The following SESN3 variants were observed in gnomAD, a reference collection of about 807,000 sequenced individuals.
The protein encoded by SESN3 is sestrin-3.
Under a neutral mutation model 55.3 loss-of-function variants are expected in SESN3, and 21 were observed. That is an observed-to-expected ratio of 0.38 (90% CI 0.27 to 0.55). The LOEUF (loss-of-function observed/expected upper bound fraction) is 0.55. Among genes scored for constraint, SESN3 ranks in the 20% least tolerant of loss-of-function variants. SESN3 has a pLI of 0.76. For synonymous variants in SESN3, 181 were observed against 203.1 expected (o/e 0.89, Z 0.93); for missense variants, 408 against 604.3 (o/e 0.68, Z 3.41).
chr11:95,167,550 T>C lies in SESN3; in HGVS notation c.*5705A>G, dbSNP rs979425597. 2.0e-5 allele frequency: 3 copies of C among 150,368 alleles called. No homozygotes were observed. The South Asian group carries it at 6.4e-4, about 32-fold the overall frequency. The allele number at this position is 150,368 out of a possible 1,614,324, so 9.3% of individuals were successfully genotyped here. On this transcript the variant is annotated 3_prime_UTR_variant, in exon 10 of 10. Coordinates refer to ENST00000536441, the MANE Select transcript of SESN3 (RefSeq NM_144665.4). ...GGTTAAAGCTAAAATGAACACTTCATGGCATATAATTTAATACAAACCGCC... is the reference window on the plus strand; with the variant it reads ...GGTTAAAGCTAAAATGAACACTTCACGGCATATAATTTAATACAAACCGCC...
chr11:95,217,161 G>A (rs1860774765), intron 1 of SESN3, among the ~76,000 whole-genome samples: 1 of 151,660 alleles, frequency 6.6e-6, no homozygotes, highest in African/African-American at 2.4e-5. Flanking sequence ...TACATCATGT[G>A]AATTTGTTTT....
At chr11:95,212,898 C>T (rs1186574598) in intron 1 of SESN3, among the ~76,000 whole-genome samples, 1 of 152,000 alleles carries the variant, frequency 6.6e-6, no homozygotes, top group Non-Finnish European at 1.5e-5. Context: ...TTTAATTTGC[C>T]ATCTCATTTG....
intron 1 of SESN3, among the ~76,000 whole-genome samples, chr11:95,226,267 T>C (rs569670150): frequency 6.6e-6 from 1 of 152,230 alleles, no homozygotes; most frequent in Admixed American, 6.5e-5. Flanking sequence ...CATCTATCTC[T>C]CTCCAACTAT....
At position 95,172,126 on chromosome 11, in the gene SESN3, G is replaced by A. The variant is rs552342859; in HGVS notation, c.*1129C>T. 2 of 152,228 alleles carry A rather than the reference G, an allele frequency of 1.3e-5. No homozygotes were observed. The highest frequency in any genetic ancestry group is 4.8e-5 in the African/African-American group (2 of 41,546). The allele number at this position is 152,228 out of a possible 1,614,324, so 9.4% of individuals were successfully genotyped here. A position where few individuals can be genotyped will look rare whatever the true frequency, so the allele number is the denominator to read the frequency against. On this transcript the variant is annotated 3_prime_UTR_variant, in exon 10 of 10. Coordinates refer to ENST00000536441, the MANE Select transcript of SESN3 (RefSeq NM_144665.4). ...CACTTTTGCAGTGATATGACAGGGG[G>A]AAAGTTTAGTTGAGTATTTTTTGAA...
chr11:95,183,855 T>C (rs1860111050), intron 6 of SESN3, among the ~76,000 whole-genome samples: 1 of 152,116 alleles, frequency 6.6e-6, no homozygotes, highest in South Asian at 2.1e-4. Flanking sequence ...AAAACTGTTT[T>C]CAAGACTACA....
chr11:95,174,215 C>T (rs532966360), intron 9 of SESN3, among the ~76,000 whole-genome samples: 2 of 152,178 alleles, frequency 1.3e-5, no homozygotes, highest in East Asian at 3.9e-4. Flanking sequence ...AGTTTATTAG[C>T]GAATGTTTCC....
chr11:95,193,851 T>C (rs1860311687), intron 1 of SESN3, among the ~76,000 whole-genome samples: 1 of 152,152 alleles, frequency 6.6e-6, no homozygotes. Context: ...TGTTTTATAG[T>C]AGTATACTGT....
At position 95,230,921 on chromosome 11, in the gene SESN3, C is replaced by G; in HGVS notation, c.-61G>C. The stretch of plus-strand genomic sequence containing the variant: ...GGCCGGGTCCGGGCTGTCACTGCGG[C>G]CACTGCAGGGCCGGTCCGTCCCCCC... On this transcript the variant is annotated 5_prime_UTR_variant, in exon 1 of 10. Coordinates refer to ENST00000536441, the MANE Select transcript of SESN3 (RefSeq NM_144665.4). This position sits in a 1 kb window ranked among gnomAD's most constrained non-coding sequence, Gnocchi z 4.6. The G allele has an allele frequency of 8.4e-7, 1 of 1,190,014 alleles. No individual in the cohort carries two copies. Among genetic ancestry groups the G allele is most frequent in the Non-Finnish European group, 1.1e-6 (1 of 878,968 alleles). 73.7% of individuals were successfully genotyped at this position (1,190,014 alleles called of 1,614,324 possible). A position where few individuals can be genotyped will look rare whatever the true frequency, so the allele number is the denominator to read the frequency against.
upstream of SESN3, chr11:95,231,240 C>G (rs2134279420): frequency 5.0e-6 from 2 of 402,258 alleles, no homozygotes; most frequent in East Asian, 7.3e-5. Flanking sequence ...TCACCACCTC[C>G]ACGCTCCGGT....
intron 1 of SESN3, among the ~76,000 whole-genome samples, chr11:95,218,822 T>G (rs2134264286): frequency 6.6e-6 from 1 of 152,254 alleles, no homozygotes; most frequent in East Asian, 1.9e-4. Context: ...GCTAATTTTT[T>G]GCATTTTGTT....
At chr11:95,184,900 T>C (rs2134228109) in intron 5 of SESN3, among the ~76,000 whole-genome samples, 1 of 152,176 alleles carries the variant, frequency 6.6e-6, no homozygotes, top group South Asian at 2.1e-4. Context: ...GGCAGCACAA[T>C]TGTTTTACTT....
intron 1 of SESN3, among the ~76,000 whole-genome samples, chr11:95,226,316 T>C (rs889400437): frequency 6.6e-6 from 1 of 152,228 alleles, no homozygotes; most frequent in Non-Finnish European, 1.5e-5. Context: ...ATCAACATTT[T>C]ACAGAGAAAA....
chr11:95,179,462 G>C (rs1215373314), intron 6 of SESN3, among the ~76,000 whole-genome samples: 1 of 152,154 alleles, frequency 6.6e-6, no homozygotes, highest in Non-Finnish European at 1.5e-5. Context: ...CTCTCCAGGG[G>C]ATGAAGTGGG....
At chr11:95,178,301 C>A (rs1472218411) in intron 7 of SESN3, among the ~76,000 whole-genome samples, 2 of 152,060 alleles carry the variant, frequency 1.3e-5, no homozygotes, top group African/African-American at 4.8e-5. Flanking sequence ...AATCTTATAC[C>A]CTCTTTAGGA....
intron 4 of SESN3, among the ~76,000 whole-genome samples, chr11:95,187,207 C>A (rs1376639431): frequency 6.6e-6 from 1 of 151,708 alleles, no homozygotes; most frequent in Admixed American, 6.6e-5. Flanking sequence ...TAGTTTTATT[C>A]TTATTTTAGA....
At chr11:95,197,263 C>T (rs1379272844) in intron 1 of SESN3, among the ~76,000 whole-genome samples, 1 of 152,032 alleles carries the variant, frequency 6.6e-6, no homozygotes. Context: ...ACAGCAACTC[C>T]CATTTCTCCC....
intron 1 of SESN3, chr11:95,200,949 C>T (rs1056774022): frequency 3.9e-5 from 6 of 152,004 alleles, no homozygotes; most frequent in Admixed American, 2.6e-4. Flanking sequence ...CTTTGTAGGG[C>T]GGTCGGTCAG....
At position 95,171,074 on chromosome 11, in the gene SESN3, G is replaced by C. The variant is rs920515154; in HGVS notation, c.*2181C>G. The C allele has an allele frequency of 2.0e-5, 3 of 152,104 alleles. No individual in the cohort carries two copies. Among genetic ancestry groups the C allele is most frequent in the Admixed American group, 6.5e-5 (1 of 15,272 alleles). 9.4% of individuals were successfully genotyped at this position (152,104 alleles called of 1,614,324 possible). A position where few individuals can be genotyped will look rare whatever the true frequency, so the allele number is the denominator to read the frequency against. ...ATACATACAAATCATTTTTTATCCT[G>C]TTATACAGTTCGCCTGCACAAAAAT... On this transcript the variant is annotated 3_prime_UTR_variant, in exon 10 of 10. Transcript: ENST00000536441.
intron 1 of SESN3, among the ~76,000 whole-genome samples, chr11:95,216,097 C>CAAAAAAAA (rs1216457587): frequency 1.9e-5 from 1 of 51,418 alleles, no homozygotes. Context: ...GACTCCATCT[C>CAAAAAAAA]AAAAAAAAAA....
Sources: gnomAD v4.1 joint callset for allele counts (sites outside exome capture counted in the v4.1 genomes callset) on GRCh38, gnomAD v4.1.1 for gene constraint, Gnocchi (gnomAD v3.1) non-coding constraint, MANE v1.5 for transcripts, NCBI Gene and HGNC (gene_info 2026-07-23, HGNC 2026-07-21) for gene names.